SNX29: variants seen among roughly 807,000 people sequenced by gnomAD.
The protein encoded by SNX29 is sorting nexin-29.
SNX29 carries 78 observed loss-of-function variants against 102.1 expected under a neutral mutation model. The ratio of observed to expected loss-of-function variants is 0.76; its 90% confidence interval spans 0.64 to 0.92. The LOEUF is 0.92. SNX29 is among the 40% of genes least tolerant of loss of function. The pLI is 0.00. For missense variants in SNX29, 1,280 were observed against 1,061.7 expected, an observed-to-expected ratio of 1.21 and a Z score of -2.86; for synonymous variants, 580 against 414.5, an observed-to-expected ratio of 1.40 and a Z score of -4.85.
chr16:12,469,747 A>G (rs2087245326), intron 18 of SNX29, among the ~76,000 whole-genome samples: 1 of 152,218 alleles, frequency 6.6e-6, no homozygotes, highest in African/African-American at 2.4e-5. Flanking sequence ...AGGGTGGCTC[A>G]CGCCTGTAAT....
chr16:11,981,944 C>T (rs1596521176), intron 1 of SNX29, among the ~76,000 whole-genome samples: 1 of 151,912 alleles, frequency 6.6e-6, no homozygotes, highest in East Asian at 1.9e-4. Flanking sequence ...ATTGCTCACG[C>T]CTGTAATCTG....
chr16:12,265,732 C>G (rs1043431655), intron 14 of SNX29, among the ~76,000 whole-genome samples: 12 of 126,726 alleles, frequency 9.5e-5, no homozygotes, highest in Middle Eastern at 4.5e-3. Context: ...AAAAAAGTTG[C>G]AAAATTAATT....
chr16:12,475,057 C>G (rs368865417), intron 18 of SNX29, among the ~76,000 whole-genome samples: 1 of 152,182 alleles, frequency 6.6e-6, no homozygotes, highest in African/African-American at 2.4e-5. Flanking sequence ...GGCATAGCTG[C>G]GCTATTCGTA....
chr16:12,159,595 C>G (rs1182137323), intron 13 of SNX29, among the ~76,000 whole-genome samples: 1 of 152,176 alleles, frequency 6.6e-6, no homozygotes, highest in East Asian at 1.9e-4. Context: ...CACGGTAGCT[C>G]ACACCTGTAA....
At chr16:12,351,208 G>C (rs1000794195) in intron 15 of SNX29, among the ~76,000 whole-genome samples, 10 of 123,664 alleles carry the variant, frequency 8.1e-5, no homozygotes, top group Admixed American at 6.1e-4. Flanking sequence ...CTGACACTTA[G>C]TTGGTGCTCC....
intron 15 of SNX29, among the ~76,000 whole-genome samples, chr16:12,327,984 A>G (rs1596929942): frequency 6.6e-6 from 1 of 152,056 alleles, no homozygotes; most frequent in East Asian, 1.9e-4. Context: ...ATATTCAGAC[A>G]CTGTCAGCTG....
At position 12,013,499 on chromosome 16, in the gene SNX29, AAATATATATAT is replaced by A. The variant is rs1484220175; in HGVS notation, c.122+10458_122+10468del. ...TGTCTCTACTGGGGGAAAAAAAAAA[AAATATATATAT>A]ATATATATATATATATATATATATA... On this transcript the variant is annotated intron_variant, in intron 3 of 20. Transcript: ENST00000566228. 4.7e-3 allele frequency among the ~76,000 whole-genome samples: 326 copies of A among 69,002 alleles called. 43 individuals are homozygous for A. The highest frequency in any genetic ancestry group is 0.019 in the African/African-American group (296 of 15,286). The allele number at this position is 69,002 out of a possible 152,430, so 45.3% of individuals were successfully genotyped here.
At chr16:12,005,620 C>A (rs1228486421) in intron 3 of SNX29, among the ~76,000 whole-genome samples, 6 of 152,096 alleles carry the variant, frequency 3.9e-5, no homozygotes, top group African/African-American at 7.2e-5. Context: ...TCTTCATTAC[C>A]ATGCTGTCCA....
chr16:12,281,898 A>G lies in SNX29; in HGVS notation c.1782+3862A>G, dbSNP rs188037768. On this transcript the variant is annotated intron_variant, in intron 15 of 20. Coordinates refer to ENST00000566228, the MANE Select transcript of SNX29 (RefSeq NM_032167.5). ...GTAGCCTGGCCAACACGGGGAAACTATGTCTGCCAGATAGAATCTGTTTCC... is the reference window on the plus strand; with the variant it reads ...GTAGCCTGGCCAACACGGGGAAACTGTGTCTGCCAGATAGAATCTGTTTCC... Among the ~76,000 whole-genome samples the G allele has an allele frequency of 2.5e-3, 375 of 151,928 alleles. 2 individuals carry two copies. The highest frequency in any genetic ancestry group is 4.4e-3 in the Non-Finnish European group (301 of 67,972).
chr16:12,537,318 G>A (rs2077120820), intron 20 of SNX29, among the ~76,000 whole-genome samples: 1 of 152,220 alleles, frequency 6.6e-6, no homozygotes, highest in Non-Finnish European at 1.5e-5. Flanking sequence ...TAGTGGCTAA[G>A]CCAAAGCTCT....
chr16:12,272,261 C>T (rs1020206919), intron 14 of SNX29, among the ~76,000 whole-genome samples: 2 of 152,194 alleles, frequency 1.3e-5, no homozygotes, highest in Non-Finnish European at 2.9e-5. Context: ...GCCTTGGGGA[C>T]AGGAGGCCAG....
At chr16:12,241,100 T>C (rs766017412) in intron 14 of SNX29, among the ~76,000 whole-genome samples, 3 of 152,198 alleles carry the variant, frequency 2.0e-5, no homozygotes, top group Non-Finnish European at 2.9e-5. Flanking sequence ...TATTTGTGTT[T>C]GCTCATTTTC....
chr16:12,244,951 G>A (rs1164854231), intron 14 of SNX29, among the ~76,000 whole-genome samples: 1 of 152,192 alleles, frequency 6.6e-6, no homozygotes, highest in Non-Finnish European at 1.5e-5. Flanking sequence ...TTTATTAGCA[G>A]ATCTAATTAT....
At chr16:12,559,039 C>T (rs548914771) in intron 20 of SNX29, among the ~76,000 whole-genome samples, 1 of 152,150 alleles carries the variant, frequency 6.6e-6, no homozygotes, top group Non-Finnish European at 1.5e-5. Context: ...TAAGTAAATT[C>T]ACACATCGTA....
chr16:12,250,548 C>A (rs1019231776), intron 14 of SNX29, among the ~76,000 whole-genome samples: 4 of 152,216 alleles, frequency 2.6e-5, no homozygotes, highest in Non-Finnish European at 5.9e-5. Context: ...CTCTCACTTG[C>A]TCCACTGGGT....
chr16:12,339,562 G>A (rs2081554494), intron 15 of SNX29, among the ~76,000 whole-genome samples: 1 of 152,114 alleles, frequency 6.6e-6, no homozygotes, highest in African/African-American at 2.4e-5. Context: ...CCAAGGATTG[G>A]TGTAACCTTT....
At chr16:12,355,931 G>A (rs371134690) in intron 15 of SNX29, among the ~76,000 whole-genome samples, 4 of 149,190 alleles carry the variant, frequency 2.7e-5, no homozygotes, top group East Asian at 2.0e-4. Flanking sequence ...CATCCTATTT[G>A]GACCATAACT....
chr16:12,465,795 T>TTTC (rs1469799731), intron 18 of SNX29, among the ~76,000 whole-genome samples: 4 of 152,080 alleles, frequency 2.6e-5, no homozygotes, highest in Non-Finnish European at 5.9e-5. Flanking sequence ...AACAATATTA[T>TTTC]TTCTTCTAGT....
At chr16:12,249,549 G>A (rs889182892) in intron 14 of SNX29, among the ~76,000 whole-genome samples, 2 of 152,164 alleles carry the variant, frequency 1.3e-5, no homozygotes, top group African/African-American at 4.8e-5. Context: ...CTAACCACTG[G>A]CATTACCATA....
Sources: allele counts gnomAD v4.1 joint callset (sites outside exome capture counted in the v4.1 genomes callset), GRCh38; gene constraint gnomAD v4.1.1; transcripts MANE v1.5; gene names NCBI Gene and HGNC (gene_info 2026-07-23, HGNC 2026-07-21).